SNTG1: variants seen among roughly 807,000 people sequenced by gnomAD.
SNTG1 encodes the protein gamma-1-syntrophin.
In SNTG1, 39 loss-of-function variants were observed where a neutral mutation model predicts 74.7. The ratio of observed to expected loss-of-function variants is 0.52; its 90% CI spans 0.40 to 0.68. The LOEUF (loss-of-function observed/expected upper bound fraction) is 0.68. Among genes scored for constraint, SNTG1 ranks in the 30% least tolerant of loss-of-function variants. SNTG1 has a pLI of 0.00. For synonymous variants in SNTG1, 254 were observed against 217.1 expected, an observed-to-expected ratio of 1.17 and a Z score of -1.49; for missense variants, 685 against 609.5, an observed-to-expected ratio of 1.12 and a Z score of -1.30.
intron 17 of SNTG1, among the ~76,000 whole-genome samples, chr8:50,710,001 G>A (rs1435919303): frequency 1.3e-5 from 2 of 152,200 alleles, no homozygotes; most frequent in East Asian, 1.9e-4. Context: ...AAGATGGAGT[G>A]TAGGAGGCAG....
At chr8:50,713,419 T>C (rs1191948825) in intron 17 of SNTG1, among the ~76,000 whole-genome samples, 1 of 152,210 alleles carries the variant, frequency 6.6e-6, no homozygotes, top group African/African-American at 2.4e-5. Context: ...CTCAGATGGA[T>C]AGATTACAAA....
chr8:50,333,678 T>C (rs960395662), intron 2 of SNTG1, among the ~76,000 whole-genome samples: 2 of 152,236 alleles, frequency 1.3e-5, no homozygotes, highest in African/African-American at 4.8e-5. Flanking sequence ...GTTCCCATCA[T>C]GAGAATGGCG....
chr8:50,590,839 T>A, intron 12 of SNTG1, 40 bp from the exon 13 acceptor site: 1 of 1,354,742 alleles, frequency 7.4e-7, no homozygotes, highest in Non-Finnish European at 1.0e-6. Context: ...TGTTACCATC[T>A]ATTGTTCTTC....
At chr8:50,328,492 A>G (rs967562000) in intron 2 of SNTG1, among the ~76,000 whole-genome samples, 2 of 152,220 alleles carry the variant, frequency 1.3e-5, no homozygotes, top group African/African-American at 4.8e-5. Context: ...TGGAAGGGGA[A>G]AGAGAAGCAA....
chr8:50,224,646 T>G (rs2085238400), intron 2 of SNTG1, among the ~76,000 whole-genome samples: 1 of 152,162 alleles, frequency 6.6e-6, no homozygotes, highest in Admixed American at 6.5e-5. Context: ...CATTTTAAGG[T>G]AAAGCTGAAG....
At chr8:50,533,756 A>G (rs1208902295) in intron 10 of SNTG1, among the ~76,000 whole-genome samples, 13 of 152,216 alleles carry the variant, frequency 8.5e-5, no homozygotes, top group Non-Finnish European at 1.6e-4. Context: ...CTTATAAAGA[A>G]GAAATATAAG....
intron 1 of SNTG1, among the ~76,000 whole-genome samples, chr8:50,012,409 A>G (rs1214539180): frequency 2.0e-5 from 3 of 152,172 alleles, no homozygotes; most frequent in African/African-American, 7.2e-5. Flanking sequence ...GTGAACCAGA[A>G]AAATGCTAGG....
intron 2 of SNTG1, among the ~76,000 whole-genome samples, chr8:50,333,518 T>C (rs929894192): frequency 9.9e-5 from 15 of 152,248 alleles, no homozygotes; most frequent in African/African-American, 3.4e-4. Flanking sequence ...GTTTCAAAGC[T>C]ACCTCCTGCC....
chr8:50,250,881 T>G, intron 2 of SNTG1, among the ~76,000 whole-genome samples: 1 of 152,116 alleles, frequency 6.6e-6, no homozygotes, highest in Non-Finnish European at 1.5e-5. Flanking sequence ...ATTAATATTA[T>G]GAAAATACAA....
At chr8:50,638,849 C>G (rs1352416265) in intron 13 of SNTG1, among the ~76,000 whole-genome samples, 1 of 151,998 alleles carries the variant, frequency 6.6e-6, no homozygotes, top group Non-Finnish European at 1.5e-5. Flanking sequence ...AGTTTTTCTG[C>G]ACCAACAAAA....
rs553396588 is a variant in SNTG1 at position 50,768,124 on chromosome 8, A to G, written c.1395+16013A>G. 9.9e-5 allele frequency among the ~76,000 whole-genome samples: 15 copies of G among 152,058 alleles called. No homozygotes were observed. In the South Asian group the frequency reaches 3.1e-3, roughly 32 times the overall value. On this transcript the variant is annotated intron_variant, in intron 18 of 18. Coordinates refer to ENST00000642720, the MANE Select transcript of SNTG1 (RefSeq NM_018967.5). ...TGATCATCGGAGGCTCCTTTTCCCC[A>G]AACATCTCCTTGCCCCAAGTCCCCA...
At chr8:49,958,184 G>C (rs1448238895) in intron 1 of SNTG1, among the ~76,000 whole-genome samples, 2 of 152,104 alleles carry the variant, frequency 1.3e-5, no homozygotes. Flanking sequence ...GCCCACAAAA[G>C]GACAAAGGCC....
chr8:50,279,204 G>A (rs1056705583), intron 2 of SNTG1, among the ~76,000 whole-genome samples: 6 of 152,002 alleles, frequency 3.9e-5, no homozygotes, highest in Admixed American at 2.0e-4. Flanking sequence ...TGAAGCATGG[G>A]TATTTGACAA....
At chr8:49,947,265 A>G (rs1274750217) in intron 1 of SNTG1, among the ~76,000 whole-genome samples, 1 of 152,088 alleles carries the variant, frequency 6.6e-6, no homozygotes, top group African/African-American at 2.4e-5. Context: ...CCACCATTGC[A>G]CTCCAGTCTG....
chr8:50,629,600 T>C (rs963022722), intron 13 of SNTG1, among the ~76,000 whole-genome samples: 1 of 152,060 alleles, frequency 6.6e-6, no homozygotes, highest in African/African-American at 2.4e-5. Flanking sequence ...AAGTGTGTCC[T>C]CAATGATATT....
chr8:50,382,991 C>CT (rs1325176837), intron 2 of SNTG1, among the ~76,000 whole-genome samples: 1 of 152,158 alleles, frequency 6.6e-6, no homozygotes, highest in Non-Finnish European at 1.5e-5. Flanking sequence ...GAGGACCACC[C>CT]ACATTATTGG....
intron 2 of SNTG1, among the ~76,000 whole-genome samples, chr8:50,376,728 A>ATT (rs1216235643): frequency 7.5e-5 from 5 of 66,816 alleles, no homozygotes; most frequent in South Asian, 7.2e-4. Context: ...ATATTAATAA[A>ATT]TTATATATAT....
intron 1 of SNTG1, among the ~76,000 whole-genome samples, chr8:50,060,673 C>A (rs926704371): frequency 6.6e-6 from 1 of 152,024 alleles, no homozygotes; most frequent in African/African-American, 2.4e-5. Context: ...AGGCCTTTCA[C>A]TTGTTAAAAC....
intron 18 of SNTG1, among the ~76,000 whole-genome samples, chr8:50,785,653 A>C (rs547408626): frequency 6.6e-6 from 1 of 152,130 alleles, no homozygotes; most frequent in South Asian, 2.1e-4. Flanking sequence ...AAGGGGAAAC[A>C]CTCCTCTACT....
Sources: allele counts gnomAD v4.1 joint callset (sites outside exome capture counted in the v4.1 genomes callset), GRCh38; gene constraint gnomAD v4.1.1; transcripts MANE v1.5; gene names NCBI Gene and HGNC (gene_info 2026-07-23, HGNC 2026-07-21).